Variants in PRKCA observed in about 807,000 individuals in gnomAD.
PRKCA encodes protein kinase C alpha, also known as protein kinase C alpha type.
A neutral mutation model predicts 87.0 loss-of-function variants in PRKCA; 27 were observed. That is an observed-to-expected ratio of 0.31 (90% CI 0.23 to 0.43). The LOEUF (loss-of-function observed/expected upper bound fraction) is 0.43. PRKCA is among the 20% of genes least tolerant of loss of function. The pLI is 1.00. For missense variants in PRKCA, 518 were observed against 852.3 expected (o/e 0.61, Z 4.88); for synonymous variants, 329 against 311.1 (o/e 1.06, Z -0.61).
intron 14 of PRKCA, among the ~76,000 whole-genome samples, chr17:66,783,745 C>A (rs1423112773): frequency 1.3e-5 from 2 of 152,350 alleles, no homozygotes; most frequent in South Asian, 4.1e-4. Context: ...GGAAGCTCCA[C>A]CTGTGTTCCT....
At chr17:66,655,552 C>G (rs772478357) in intron 5 of PRKCA, among the ~76,000 whole-genome samples, 2 of 152,222 alleles carry the variant, frequency 1.3e-5, no homozygotes, top group African/African-American at 2.4e-5. Context: ...TCTCCATGCC[C>G]TTTATAACAT....
chr17:66,707,044 G>A (rs903590677), intron 8 of PRKCA, among the ~76,000 whole-genome samples: 2 of 152,098 alleles, frequency 1.3e-5, no homozygotes, highest in African/African-American at 2.4e-5. Context: ...TGATGCTTCT[G>A]TCTCATACCC....
In PRKCA at chr17:66,581,497, A is replaced by G. The variant is rs970026934; in HGVS notation, c.289-59858A>G. Among the ~76,000 whole-genome samples, 4 of 152,148 alleles carry G rather than the reference A, an allele frequency of 2.6e-5. No homozygotes were observed. In the East Asian group the frequency reaches 7.7e-4, roughly 29 times the overall value. On this transcript the variant is annotated intron_variant, in intron 3 of 16. Transcript: ENST00000413366. The stretch of plus-strand genomic sequence containing the variant: ...TTCTTTTTTGTTTTTTGTTTTTGAG[A>G]CAGAGTCTCTCTCTGTCCCCCAGGC...
intron 8 of PRKCA, among the ~76,000 whole-genome samples, chr17:66,725,427 A>C (rs1973721545): frequency 6.6e-6 from 1 of 152,188 alleles, no homozygotes; most frequent in African/African-American, 2.4e-5. Flanking sequence ...TGCCTGATAT[A>C]GTGCTTGGTC....
At chr17:66,340,004 A>T (rs867841723) in intron 2 of PRKCA, 1 of 152,210 alleles carries the variant, frequency 6.6e-6, no homozygotes, top group Non-Finnish European at 1.5e-5. Context: ...CTCCTATTAC[A>T]TGAGCTAAAT....
At chr17:66,699,515 A>C (rs1399729013) in intron 8 of PRKCA, among the ~76,000 whole-genome samples, 1 of 152,258 alleles carries the variant, frequency 6.6e-6, no homozygotes, top group Non-Finnish European at 1.5e-5. Context: ...ATAATGAGTA[A>C]GGAGGTGGAA....
intron 2 of PRKCA, among the ~76,000 whole-genome samples, chr17:66,469,668 C>T (rs1915239174): frequency 6.6e-6 from 1 of 152,164 alleles, no homozygotes; most frequent in Non-Finnish European, 1.5e-5. Flanking sequence ...CTAATTCTGT[C>T]ACTTGTATTA....
chr17:66,308,832 C>T (rs1904951483), intron 2 of PRKCA, among the ~76,000 whole-genome samples: 2 of 152,162 alleles, frequency 1.3e-5, no homozygotes, highest in African/African-American at 4.8e-5. Context: ...ATTAATCTTT[C>T]TATTAACATC....
intron 16 of PRKCA, among the ~76,000 whole-genome samples, chr17:66,794,624 G>GC (rs1412977438): frequency 1.5e-5 from 2 of 136,904 alleles, no homozygotes; most frequent in Non-Finnish European, 1.6e-5. Flanking sequence ...GGGGTTTTTT[G>GC]TTTTTTTTTT....
intron 13 of PRKCA, among the ~76,000 whole-genome samples, chr17:66,758,704 C>G (rs1974612061): frequency 6.6e-6 from 1 of 152,152 alleles, no homozygotes; most frequent in South Asian, 2.1e-4. Context: ...GAGAGCACCC[C>G]TCCACCCCAT....
chr17:66,778,845 CAAA>C (rs1231493421), intron 14 of PRKCA, among the ~76,000 whole-genome samples: 5 of 61,296 alleles, frequency 8.2e-5, no homozygotes, highest in Non-Finnish European at 6.6e-5. Flanking sequence ...ACCCTGTCTC[CAAA>C]AAAAAAAAAA....
chr17:66,679,697 C>T (rs1007580585), intron 5 of PRKCA, among the ~76,000 whole-genome samples: 3 of 152,234 alleles, frequency 2.0e-5, no homozygotes, highest in Non-Finnish European at 2.9e-5. Flanking sequence ...CTTTCCTCCT[C>T]GTTCTCCTGA....
At chr17:66,374,090 C>T (rs769448034) in intron 2 of PRKCA, among the ~76,000 whole-genome samples, 5 of 152,078 alleles carry the variant, frequency 3.3e-5, no homozygotes, top group African/African-American at 9.7e-5. Context: ...GGGAGGAGTC[C>T]GCAAGGGAGG....
intron 1 of PRKCA, among the ~76,000 whole-genome samples, chr17:66,303,818 C>T (rs1904650629): frequency 6.6e-6 from 1 of 151,964 alleles, no homozygotes; most frequent in East Asian, 1.9e-4. Flanking sequence ...GCCTGGCAAA[C>T]ATGGTGAAAC....
intron 14 of PRKCA, among the ~76,000 whole-genome samples, chr17:66,781,603 C>T (rs1056923678): frequency 1.2e-4 from 19 of 152,044 alleles, no homozygotes; most frequent in Admixed American, 7.9e-4. Context: ...GTCACAGGGA[C>T]GTGTATCGTA....
At position 66,731,050 on chromosome 17, in the gene PRKCA, G is replaced by T. The variant is rs529207117; in HGVS notation, c.919-1638G>T. Among the ~76,000 whole-genome samples the T allele has an allele frequency of 3.3e-5, 5 of 152,238 alleles. No individual in the cohort carries two copies. In the South Asian group the frequency reaches 1.0e-3, roughly 32 times the overall value. On this transcript the variant is annotated intron_variant, in intron 8 of 16. Coordinates refer to ENST00000413366, the MANE Select transcript of PRKCA (RefSeq NM_002737.3). The stretch of plus-strand genomic sequence containing the variant: ...GGTCTGCTGCACTAGGGAGGGAGGT[G>T]CACCCTCTCATTAAGAATGGGCAGG...
chr17:66,750,627 G>A (rs1297708427), intron 13 of PRKCA, among the ~76,000 whole-genome samples: 1 of 152,126 alleles, frequency 6.6e-6, no homozygotes, highest in South Asian at 2.1e-4. Flanking sequence ...AATGTGGCCC[G>A]CTCCTTTCTT....
intron 3 of PRKCA, among the ~76,000 whole-genome samples, chr17:66,631,836 C>CA (rs1328279969): frequency 6.6e-6 from 1 of 152,018 alleles, no homozygotes. Flanking sequence ...TATGTACTCA[C>CA]AAAAGTTAAA....
chr17:66,321,085 A>G (rs959995485), intron 2 of PRKCA, among the ~76,000 whole-genome samples: 1 of 152,222 alleles, frequency 6.6e-6, no homozygotes, highest in Non-Finnish European at 1.5e-5. Flanking sequence ...AACACACAAA[A>G]TATACAAAAT....
Sources: gnomAD v4.1 joint callset for allele counts (sites outside exome capture counted in the v4.1 genomes callset) on GRCh38, gnomAD v4.1.1 for gene constraint, MANE v1.5 for transcripts, NCBI Gene and HGNC (gene_info 2026-07-23, HGNC 2026-07-21) for gene names.